Variants in BIRC6 observed in about 807,000 individuals in gnomAD.
BIRC6 encodes the protein baculoviral IAP repeat containing 6.
A neutral mutation model predicts 503.3 loss-of-function variants in BIRC6; 98 were observed. That is an observed-to-expected ratio of 0.19 (90% CI 0.17 to 0.23). The LOEUF is 0.23. BIRC6 is among the 10% of genes least tolerant of loss of function. The pLI, the probability that BIRC6 is intolerant of heterozygous loss-of-function variation, is 1.00. For missense variants in BIRC6, 5,360 were observed against 5,806.0 expected (o/e 0.92, Z 2.50); for synonymous variants, 2,240 against 2,078.7 (o/e 1.08, Z -2.11).
intron 65 of BIRC6, among the ~76,000 whole-genome samples, chr2:32,568,336 A>G (rs1192516306): frequency 6.6e-6 from 1 of 151,268 alleles, no homozygotes; most frequent in African/African-American, 2.4e-5. Flanking sequence ...ACGAAAAAAT[A>G]GAAAAAATTA....
chr2:32,578,789 A>G (rs116419655), intron 66 of BIRC6, among the ~76,000 whole-genome samples: 2,470 of 151,304 alleles, frequency 0.016, 46 homozygotes, highest in African/African-American at 0.058. Context: ...ACAGAGGGAA[A>G]CTCTGTCTCA....
At chr2:32,406,021 T>C (rs2041168105) in intron 8 of BIRC6, among the ~76,000 whole-genome samples, 1 of 152,222 alleles carries the variant, frequency 6.6e-6, no homozygotes, top group African/African-American at 2.4e-5. Flanking sequence ...TAATCAGTTA[T>C]GATATCAAAC....
Position 32,530,309 on chromosome 2 carries a change from C to A in BIRC6, c.12094+485C>A, listed in dbSNP as rs1444435923. The stretch of plus-strand genomic sequence containing the variant: ...CACTGCAACCTCCGCCTCCCGAGTT[C>A]AAGTGATTTTCCTGCCTCAGCCTCC... On this transcript the variant is annotated intron_variant, in intron 60 of 73. Coordinates refer to ENST00000421745, the MANE Select transcript of BIRC6 (RefSeq NM_016252.4). Among the ~76,000 whole-genome samples, 4 of 152,238 alleles carry A rather than the reference C, an allele frequency of 2.6e-5. No individual in the cohort carries two copies. The South Asian group carries it at 6.2e-4, about 24-fold the overall frequency.
At chr2:32,606,897 C>G (rs1250213885) in intron 71 of BIRC6, among the ~76,000 whole-genome samples, 1 of 151,746 alleles carries the variant, frequency 6.6e-6, no homozygotes, top group Non-Finnish European at 1.5e-5. Context: ...ATCCCAGATT[C>G]TCGGGAGGCT....
chr2:32,402,238 C>T (rs890148249), intron 8 of BIRC6, among the ~76,000 whole-genome samples: 1 of 152,114 alleles, frequency 6.6e-6, no homozygotes, highest in Non-Finnish European at 1.5e-5. Flanking sequence ...AAAGTATCAC[C>T]CTCTTTCACC....
chr2:32,530,292 C>T (rs2056625717), intron 60 of BIRC6, among the ~76,000 whole-genome samples: 1 of 152,114 alleles, frequency 6.6e-6, no homozygotes, highest in African/African-American at 2.4e-5. Context: ...TTCACTGCAA[C>T]CTCCGCCTCC....
At chr2:32,364,651 C>T (rs1379228418) in intron 1 of BIRC6, among the ~76,000 whole-genome samples, 1 of 151,896 alleles carries the variant, frequency 6.6e-6, no homozygotes, top group African/African-American at 2.4e-5. Flanking sequence ...AGAGTCAGTC[C>T]CTCAGTAATA....
chr2:32,403,378 G>A (rs566195086), intron 8 of BIRC6, among the ~76,000 whole-genome samples: 41 of 152,262 alleles, frequency 2.7e-4, no homozygotes, highest in Admixed American at 1.6e-3. Context: ...TAGCAATATA[G>A]TTTGCTTAGA....
At chr2:32,576,157 A>G (rs1473104745) in intron 66 of BIRC6, among the ~76,000 whole-genome samples, 1 of 152,212 alleles carries the variant, frequency 6.6e-6, no homozygotes, top group East Asian at 1.9e-4. Flanking sequence ...TGCTTGCAGA[A>G]ATCTCTGCAG....
chr2:32,463,047 A>T (rs2048174880), intron 23 of BIRC6, 147 bp from the exon 24 acceptor site: 1 of 571,298 alleles, frequency 1.8e-6, no homozygotes, highest in Admixed American at 3.6e-5. Context: ...TTCCTTATTT[A>T]TACTTTCCAG....
rs559279108 is a variant in BIRC6, at chr2:32,426,050, A to G, written c.2873-3096A>G. ...CATAGTTCTGAAATAGTTGATTCCA[A>G]TCATACTTTCTAGTTGAGTGGTTGC... On this transcript the variant is annotated intron_variant, in intron 10 of 73. Coordinates refer to ENST00000421745, the MANE Select transcript of BIRC6 (RefSeq NM_016252.4). Among the ~76,000 whole-genome samples the G allele has an allele frequency of 2.0e-5, 3 of 152,280 alleles. No individual in the cohort carries two copies. The South Asian group carries it at 6.2e-4, about 32-fold the overall frequency.
intron 61 of BIRC6, 81 bp from the exon 62 acceptor site, chr2:32,543,160 G>A (rs2057803955): frequency 2.2e-6 from 3 of 1,360,240 alleles, no homozygotes; most frequent in Non-Finnish European, 3.0e-6. Flanking sequence ...ATTTTAAAGA[G>A]ATCATTTAAA....
chr2:32,574,230 T>C (rs2060109105), intron 65 of BIRC6, among the ~76,000 whole-genome samples: 4 of 151,120 alleles, frequency 2.6e-5, no homozygotes, highest in South Asian at 2.1e-4. Context: ...GGCATGATCT[T>C]GTCCTCCCCA....
rs372821549 is a variant in BIRC6, at chr2:32,585,405, A to T, written c.13356-8510A>T. Among the ~76,000 whole-genome samples the T allele has an allele frequency of 5.3e-5, 8 of 151,818 alleles. No individual in the cohort carries two copies. In the East Asian group the frequency reaches 1.4e-3, roughly 26 times the overall value. ...TTTTGTTTTTTTTTTTTTGAGACAA[A>T]GTCTCACTCTGTCACCCAGTCTAGA... On this transcript the variant is annotated intron_variant, in intron 66 of 73. Transcript: ENST00000421745.
At chr2:32,424,631 C>T (rs2043286114) in intron 10 of BIRC6, among the ~76,000 whole-genome samples, 1 of 151,914 alleles carries the variant, frequency 6.6e-6, no homozygotes, top group Admixed American at 6.6e-5. Flanking sequence ...TCTCCTGCCT[C>T]AGCCTCCCAA....
chr2:32,406,108 C>A (rs1038590213), intron 8 of BIRC6, among the ~76,000 whole-genome samples: 2 of 152,130 alleles, frequency 1.3e-5, no homozygotes, highest in Admixed American at 6.6e-5. Flanking sequence ...ACTGTACTTT[C>A]AGGCCAGGCA....
At chr2:32,448,286 G>C (rs2046297767) in intron 21 of BIRC6, among the ~76,000 whole-genome samples, 1 of 123,446 alleles carries the variant, frequency 8.1e-6, no homozygotes, top group African/African-American at 3.1e-5. Context: ...TCGGCTCTTT[G>C]GGAGGCCAAG....
At chr2:32,608,863 A>G (rs1484712086) in intron 72 of BIRC6, among the ~76,000 whole-genome samples, 1 of 152,058 alleles carries the variant, frequency 6.6e-6, no homozygotes, top group East Asian at 1.9e-4. Flanking sequence ...ATGTGTATAT[A>G]TAAGGAGAAT....
At chr2:32,540,624 C>T (rs1372089714) in intron 61 of BIRC6, among the ~76,000 whole-genome samples, 2 of 151,862 alleles carry the variant, frequency 1.3e-5, no homozygotes, top group Non-Finnish European at 2.9e-5. Flanking sequence ...AATATTAATA[C>T]CCTAAAACAG....
Sources: allele counts gnomAD v4.1 joint callset (sites outside exome capture counted in the v4.1 genomes callset), GRCh38; gene constraint gnomAD v4.1.1; transcripts MANE v1.5; gene names NCBI Gene and HGNC (gene_info 2026-07-23, HGNC 2026-07-21).